Variants in MEI4 observed in about 807,000 individuals in gnomAD.
MEI4 encodes the protein meiosis-specific protein MEI4.
In MEI4, 27 loss-of-function variants were observed where a neutral mutation model predicts 31.4. The ratio of observed to expected loss-of-function variants is 0.86; its 90% confidence interval spans 0.63 to 1.19. MEI4 has a LOEUF of 1.19. Ranked by LOEUF, MEI4 falls within the 50% of genes most tolerant of loss-of-function variation. The pLI, the probability that MEI4 is intolerant of heterozygous loss-of-function variation, is 0.00. For missense variants in MEI4, 329 were observed against 398.9 expected (o/e 0.82, Z 1.49); for synonymous variants, 122 against 145.4 (o/e 0.84, Z 1.16).
intron 4 of MEI4, among the ~76,000 whole-genome samples, chr6:77,920,935 A>G (rs532928294): frequency 1.3e-5 from 2 of 152,020 alleles, no homozygotes; most frequent in East Asian, 3.9e-4. Flanking sequence ...TTGCAGCCAG[A>G]GTAGATTTAG....
chr6:77,730,196 A>T (rs1200393950), intron 2 of MEI4, among the ~76,000 whole-genome samples: 1 of 152,094 alleles, frequency 6.6e-6, no homozygotes, highest in Non-Finnish European at 1.5e-5. Flanking sequence ...GGGGGCACTG[A>T]ATTGGGTGTA....
chr6:77,886,140 T>C (rs1028497759), intron 4 of MEI4, among the ~76,000 whole-genome samples: 2 of 152,232 alleles, frequency 1.3e-5, no homozygotes, highest in African/African-American at 4.8e-5. Context: ...TGTTCCCTTA[T>C]CTGTTATTTT....
At chr6:77,815,477 T>C (rs1334654035) in intron 3 of MEI4, among the ~76,000 whole-genome samples, 2 of 152,118 alleles carry the variant, frequency 1.3e-5, no homozygotes, top group Non-Finnish European at 2.9e-5. Context: ...TTTTTAGTAG[T>C]GATCTAAGGT....
intron 2 of MEI4, among the ~76,000 whole-genome samples, chr6:77,753,588 A>C (rs994781579): frequency 6.6e-6 from 1 of 152,226 alleles, no homozygotes; most frequent in African/African-American, 2.4e-5. Flanking sequence ...AATCATTAAA[A>C]AGTCAGGAAA....
At chr6:77,776,132 G>T (rs547231498) in intron 3 of MEI4, among the ~76,000 whole-genome samples, 2 of 151,426 alleles carry the variant, frequency 1.3e-5, no homozygotes, top group East Asian at 3.9e-4. Context: ...CCACTCTCTG[G>T]GATGTCTGTT....
chr6:77,666,374 G>T (rs1185358302), intron 1 of MEI4, among the ~76,000 whole-genome samples: 1 of 152,086 alleles, frequency 6.6e-6, no homozygotes, highest in Non-Finnish European at 1.5e-5. Context: ...GTTACTTTAG[G>T]CCATCTGGAT....
intron 2 of MEI4, among the ~76,000 whole-genome samples, chr6:77,711,907 C>T (rs568304968): frequency 3.9e-5 from 6 of 152,208 alleles, no homozygotes; most frequent in African/African-American, 1.4e-4. Flanking sequence ...AACAGAACTC[C>T]TTATGATAGT....
intron 4 of MEI4, among the ~76,000 whole-genome samples, chr6:77,888,930 C>T (rs1482735685): frequency 6.6e-6 from 1 of 152,140 alleles, no homozygotes; most frequent in Non-Finnish European, 1.5e-5. Context: ...TCCCCCTTTG[C>T]TCAGCACCTC....
chr6:77,919,385 C>T (rs1269304390), intron 4 of MEI4, among the ~76,000 whole-genome samples: 2 of 152,042 alleles, frequency 1.3e-5, no homozygotes, highest in Admixed American at 6.6e-5. Context: ...GAACAACCTG[C>T]TCCTGAATGA....
chr6:77,710,538 A>AG (rs1327421657), intron 2 of MEI4, among the ~76,000 whole-genome samples: 1 of 149,276 alleles, frequency 6.7e-6, no homozygotes, highest in Non-Finnish European at 1.5e-5. Context: ...AAAAAAAAAA[A>AG]AAAAGAAAAG....
chr6:77,796,549 G>C (rs571713479), intron 3 of MEI4, among the ~76,000 whole-genome samples: 1 of 152,024 alleles, frequency 6.6e-6, no homozygotes, highest in Non-Finnish European at 1.5e-5. Context: ...AAAAAATCAG[G>C]TGTGCTTCTA....
chr6:77,764,110 C>A (rs1248619653), intron 3 of MEI4, among the ~76,000 whole-genome samples: 3 of 152,024 alleles, frequency 2.0e-5, no homozygotes, highest in Non-Finnish European at 2.9e-5. Flanking sequence ...CCACACCCGG[C>A]CTGTTGGGAG....
intron 2 of MEI4, among the ~76,000 whole-genome samples, chr6:77,741,665 A>T (rs891101103): frequency 1.7e-4 from 26 of 151,840 alleles, no homozygotes; most frequent in Non-Finnish European, 3.2e-4. Flanking sequence ...CATGTGCACA[A>T]TGTGCAGGTT....
intron 4 of MEI4, among the ~76,000 whole-genome samples, chr6:77,879,717 T>C (rs1167928186): frequency 1.3e-5 from 2 of 152,142 alleles, no homozygotes; most frequent in East Asian, 3.8e-4. Flanking sequence ...GCTTTAGAAG[T>C]TGTCTGAGAT....
At chr6:77,920,808 T>C (rs1452238366) in intron 4 of MEI4, among the ~76,000 whole-genome samples, 1 of 151,932 alleles carries the variant, frequency 6.6e-6, no homozygotes, top group Non-Finnish European at 1.5e-5. Flanking sequence ...AGGTGTGTTG[T>C]CAATGAGCAG....
At chr6:77,657,566 C>A (rs1768420504) in intron 1 of MEI4, among the ~76,000 whole-genome samples, 1 of 151,834 alleles carries the variant, frequency 6.6e-6, no homozygotes. Flanking sequence ...CAGCTCCTTT[C>A]TTCCTTGCTT....
chr6:77,658,144 G>A lies in MEI4; in HGVS notation c.-15+5052G>A, dbSNP rs545864200. 1.7e-4 allele frequency among the ~76,000 whole-genome samples: 26 copies of A among 152,296 alleles called. 1 individual carries two copies. The East Asian group carries it at 3.3e-3, about 19-fold the overall frequency. ...AGTCAGCGAAGGGTGGTGGATTATCGTTAGTTCTTATAGGTTTTGGGATAG... is the reference window on the plus strand; with the variant it reads ...AGTCAGCGAAGGGTGGTGGATTATCATTAGTTCTTATAGGTTTTGGGATAG... On this transcript the variant is annotated intron_variant, in intron 1 of 4. Coordinates refer to ENST00000684080, the MANE Select transcript of MEI4 (RefSeq NM_001322247.2).
intron 1 of MEI4, among the ~76,000 whole-genome samples, chr6:77,681,530 G>A (rs1768957245): frequency 6.6e-6 from 1 of 152,152 alleles, no homozygotes; most frequent in Non-Finnish European, 1.5e-5. Context: ...GTTGTGCCAT[G>A]TGTACATGTC....
chr6:77,817,023 ATG>A (rs111311534), intron 3 of MEI4, among the ~76,000 whole-genome samples: 126 of 149,034 alleles, frequency 8.5e-4, no homozygotes, highest in Middle Eastern at 3.5e-3. Flanking sequence ...GTGTGTGTGT[ATG>A]TGTGTGTGTG....
Sources: allele counts gnomAD v4.1 joint callset (sites outside exome capture counted in the v4.1 genomes callset), GRCh38; gene constraint gnomAD v4.1.1; transcripts MANE v1.5; gene names NCBI Gene and HGNC (gene_info 2026-07-23, HGNC 2026-07-21).